The following GFPT1 variants were observed in gnomAD, a reference collection of about 807,000 sequenced individuals.
GFPT1 encodes glutamine--fructose-6-phosphate aminotransferase [isomerizing] 1.
Under a neutral mutation model 92.0 loss-of-function variants are expected in GFPT1, and 40 were observed. The observed-to-expected ratio is 0.43, with a 90% CI of 0.34 to 0.57. The LOEUF (loss-of-function observed/expected upper bound fraction) is 0.57. GFPT1 is among the 20% of genes least tolerant of loss of function. The pLI is 0.02. For missense variants in GFPT1, 448 were observed against 869.1 expected, an observed-to-expected ratio of 0.52 and a Z score of 6.09; for synonymous variants, 269 against 280.6, an observed-to-expected ratio of 0.96 and a Z score of 0.41.
chr2:69,337,647 T>C (rs1002938895), intron 15 of GFPT1, among the ~76,000 whole-genome samples: 6 of 152,184 alleles, frequency 3.9e-5, no homozygotes, highest in Non-Finnish European at 7.3e-5. Flanking sequence ...ACTTACATTA[T>C]ATACATAAGT....
chr2:69,373,160 TATA>T (rs1391340704), intron 2 of GFPT1, among the ~76,000 whole-genome samples: 4 of 152,226 alleles, frequency 2.6e-5, no homozygotes, highest in Non-Finnish European at 4.4e-5. Context: ...ATTCTTTTGT[TATA>T]ATGAAACATA....
intron 3 of GFPT1, among the ~76,000 whole-genome samples, chr2:69,365,015 A>AG (rs1671575155): frequency 6.6e-6 from 1 of 151,036 alleles, no homozygotes. Flanking sequence ...AAAAAAAAAA[A>AG]AAAAAGAAGT....
chr2:69,355,978 GC>G (rs1671325819), intron 7 of GFPT1, among the ~76,000 whole-genome samples: 1 of 130,350 alleles, frequency 7.7e-6, no homozygotes, highest in African/African-American at 2.9e-5. Flanking sequence ...AAATATATTT[GC>G]TTTCTTTTTT....
At chr2:69,364,812 T>C (rs553832007) in intron 3 of GFPT1, among the ~76,000 whole-genome samples, 26 of 151,976 alleles carry the variant, frequency 1.7e-4, no homozygotes, top group African/African-American at 6.3e-4. Flanking sequence ...CTTACCAACA[T>C]GGTGAAACCC....
At position 69,338,397 on chromosome 2, in the gene GFPT1, T is replaced by C. The variant is rs756667177; in HGVS notation, c.1324+48A>G. ...CTTTTGCCAAGATATGCTAGAATTA[T>C]TAGAAAGAATAACTTTCCTTCCTTT... On this transcript the variant is annotated intron_variant, in intron 14 of 19. Transcript: ENST00000357308. 57 of 1,515,606 alleles carry C rather than the reference T, an allele frequency of 3.8e-5. No individual in the cohort carries two copies. The South Asian group carries it at 6.4e-4, about 17-fold the overall frequency. The allele number at this position is 1,515,606 out of a possible 1,614,324, so 93.9% of individuals were successfully genotyped here.
At chr2:69,348,432 C>T (rs1373074793) in intron 10 of GFPT1, 98 bp from the exon 11 acceptor site, 2 of 940,622 alleles carry the variant, frequency 2.1e-6, no homozygotes, top group East Asian at 2.4e-5. Context: ...TCAATATAAA[C>T]TCTATCACTC....
chr2:69,380,321 G>A (rs928245306), intron 1 of GFPT1, among the ~76,000 whole-genome samples: 4 of 152,224 alleles, frequency 2.6e-5, no homozygotes, highest in Middle Eastern at 3.4e-3. Context: ...CAGGCTGGGC[G>A]ACACAGTGAG....
chr2:69,349,053 GTTCAAACATCATTCCCTTAAAGAAA>G (rs1277370102), intron 10 of GFPT1, among the ~76,000 whole-genome samples: 1 of 152,046 alleles, frequency 6.6e-6, no homozygotes, highest in African/African-American at 2.4e-5. Context: ...TTAACTCTCA[GTTCAAACATCATTCCCTTAAAGAAA>G]TTTACCCACC....
intron 3 of GFPT1, among the ~76,000 whole-genome samples, chr2:69,364,987 T>C: frequency 1.5e-5 from 1 of 65,168 alleles, no homozygotes; most frequent in Non-Finnish European, 2.6e-5. Flanking sequence ...AGAGCGAGAC[T>C]CCCTCTCAAA....
intron 10 of GFPT1, 144 bp from the exon 11 acceptor site, chr2:69,348,478 C>G (rs752820752): frequency 2.7e-6 from 2 of 727,954 alleles, no homozygotes; most frequent in Non-Finnish European, 4.9e-6. Context: ...TTACTAATGC[C>G]AACCCCTACA....
chr2:69,337,761 C>A lies in GFPT1; in HGVS notation c.1482+137G>T. The A allele has an allele frequency of 3.9e-6, 3 of 769,480 alleles. No individual in the cohort carries two copies. The South Asian group carries it at 4.4e-5, about 11-fold the overall frequency. 47.7% of individuals were successfully genotyped at this position (769,480 alleles called of 1,614,324 possible). On this transcript the variant is annotated intron_variant, in intron 15 of 19. Transcript: ENST00000357308. ...CAATGATTAGTAAAATGTGTGAGTT[C>A]TATAACTGCTAACAAAAATAAAATG...
Position 69,324,167 on chromosome 2 carries a change from T to C in GFPT1, c.*2022A>G, listed in dbSNP as rs1308195352. 6.6e-6 allele frequency: 1 copy of C among 152,254 alleles called. No individual in the cohort carries two copies. Among genetic ancestry groups the C allele is most frequent in the Non-Finnish European group, 1.5e-5 (1 of 68,066 alleles). 9.4% of individuals were successfully genotyped at this position (152,254 alleles called of 1,614,324 possible). A position where few individuals can be genotyped will look rare whatever the true frequency, so the allele number is the denominator to read the frequency against. The stretch of plus-strand genomic sequence containing the variant: ...TTGTTCTTGATTTTGGTTTTTGATA[T>C]TCAGTTTAGAACTTACCCTAGCTTT... On this transcript the variant is annotated 3_prime_UTR_variant, in exon 20 of 20. Transcript: ENST00000357308.
At chr2:69,337,501 T>C (rs914698035) in intron 15 of GFPT1, among the ~76,000 whole-genome samples, 1 of 152,210 alleles carries the variant, frequency 6.6e-6, no homozygotes, top group African/African-American at 2.4e-5. Flanking sequence ...ATGTTTCTAA[T>C]TTGTTACTTT....
chr2:69,363,649 T>G lies in GFPT1; in HGVS notation c.245A>C (p.Asp82Ala). Residue 82 changes from aspartate to alanine, a missense_variant, in exon 4 of 20, where the codon GAT becomes GCT. Asp to Ala is a moderately radical substitution (Grantham distance 126). This residue lies in a region of GFPT1 where 72 missense variants were observed against 95.1 expected (regional missense o/e 0.76). Transcript: ENST00000357308. ...EVHKQQDMDL[D>A]IEFDVHLGIA... ...TCCAAGGTGTACATCAAATTCTATA[T>G]CCAAATCCATATCTTGTTGCTCTGA... The G allele has an allele frequency of 6.2e-7, 1 of 1,607,376 alleles. No homozygotes were observed. The highest frequency in any genetic ancestry group is 2.2e-5 in the East Asian group (1 of 44,856).
intron 1 of GFPT1, among the ~76,000 whole-genome samples, chr2:69,385,371 G>A (rs1167884448): frequency 1.6e-4 from 24 of 151,876 alleles, no homozygotes; most frequent in African/African-American, 5.8e-4. Flanking sequence ...GATTACAGGC[G>A]CGTACCACCA....
rs752764235 is a variant in GFPT1, at chr2:69,363,575, T to C, written c.319A>G (p.Ser107Gly). 3.1e-6 allele frequency: 5 copies of C among 1,613,876 alleles called. No homozygotes were observed. The East Asian group carries it at 8.9e-5, about 29-fold the overall frequency. Reference sequence around the variant, plus strand: ...TTTTTATCAGAGCGCTGGGGGTGGCTATTGACAGGACTGGGTTCTCCATGT... The same window carrying C: ...TTTTTATCAGAGCGCTGGGGGTGGCCATTGACAGGACTGGGTTCTCCATGT... Reference protein sequence around the residue: ...ATHGEPSPVNSHPQRSDKNNE... With the variant: ...ATHGEPSPVNGHPQRSDKNNE... Residue 107 changes from serine (S) to glycine (G), a missense_variant, in exon 4 of 20, where the codon AGC becomes GGC. Physicochemically the swap from Ser to Gly is moderately conservative, Grantham distance 56. Transcript: ENST00000357308.
intron 4 of GFPT1, among the ~76,000 whole-genome samples, chr2:69,363,144 T>C (rs985372449): frequency 6.6e-6 from 1 of 152,180 alleles, no homozygotes; most frequent in African/African-American, 2.4e-5. Context: ...TTGTCCAGGT[T>C]GGAGGGCAAT....
rs1243640565 is a variant in GFPT1 at position 69,338,487 on chromosome 2, G to A, written c.1282C>T (p.Pro428Ser). The change falls in exon 14 of 20, where the codon CCA becomes TCA. Residue 428 changes from proline to serine, a missense_variant. Transcript: ENST00000357308. ...LASDFLDRNT[P>S]VFRDDVCFFL... ...AAGCAAACATCATCTCGAAAGACTG[G>A]TGTGTTTCTGTCCAGGAAGTCACTT... is the stretch of plus-strand genomic sequence containing the variant. 1 of 1,612,648 alleles carries A rather than the reference G, an allele frequency of 6.2e-7. No individual in the cohort carries two copies. Among genetic ancestry groups the A allele is most frequent in the African/African-American group, 1.3e-5 (1 of 74,862 alleles).
chr2:69,326,103 G>T lies in GFPT1; in HGVS notation c.*86C>A, dbSNP rs886056259. On this transcript the variant is annotated 3_prime_UTR_variant, in exon 20 of 20. Transcript: ENST00000357308. ...ATTTACTAAAAAAAGGCTTCAAGGG[G>T]TGATATTTTAAATCAAGGTTTTAAA... The T allele has an allele frequency of 3.0e-5, 25 of 828,184 alleles. No individual in the cohort carries two copies. The highest frequency in any genetic ancestry group is 2.7e-4 in the East Asian group (11 of 40,566). 51.3% of individuals were successfully genotyped at this position (828,184 alleles called of 1,614,324 possible).
Sources: gnomAD v4.1 joint callset for allele counts (sites outside exome capture counted in the v4.1 genomes callset) on GRCh38, gnomAD v4.1.1 for gene constraint, gnomAD v4.1.1 regional missense constraint, MANE v1.5 for transcripts, NCBI Gene and HGNC (gene_info 2026-07-23, HGNC 2026-07-21) for gene names.